CWC27: variants seen among roughly 807,000 people sequenced by gnomAD.
The protein encoded by CWC27 is spliceosome-associated protein CWC27 homolog.
A neutral mutation model predicts 63.6 loss-of-function variants in CWC27; 47 were observed. That is an observed-to-expected ratio of 0.74 (90% CI 0.58 to 0.94). The LOEUF (loss-of-function observed/expected upper bound fraction) is 0.94, where lower values mean the gene tolerates loss of function less well. Ranked by LOEUF, CWC27 falls within the 40% of genes least tolerant of loss-of-function variation. The pLI, the probability that CWC27 is intolerant of heterozygous loss-of-function variation, is 0.00. For synonymous variants in CWC27, 175 were observed against 179.8 expected (o/e 0.97, Z 0.22); for missense variants, 495 against 554.3 (o/e 0.89, Z 1.07).
At chr5:64,771,269 A>G (rs1187653312) in intron 1 of CWC27, among the ~76,000 whole-genome samples, 1 of 152,232 alleles carries the variant, frequency 6.6e-6, no homozygotes, top group Non-Finnish European at 1.5e-5. Context: ...AAGTCTGTTC[A>G]ACGAATGTTT....
At chr5:64,870,264 G>A (rs1218662221) in intron 10 of CWC27, among the ~76,000 whole-genome samples, 2 of 152,044 alleles carry the variant, frequency 1.3e-5, no homozygotes, top group Admixed American at 6.6e-5. Context: ...AAGTCTCAAT[G>A]CTGTCATTGT....
In CWC27 at chr5:64,896,243, A is replaced by G. The variant is rs141245722; in HGVS notation, c.1042+10697A>G. On this transcript the variant is annotated intron_variant, in intron 11 of 13. Transcript: ENST00000381070. ...GACTGAGGGAAGTGTCCTTCAGACA[A>G]ACAAAAGCTGAAAAACATTGCTACC... is the stretch of plus-strand genomic sequence containing the variant. Among the ~76,000 whole-genome samples the G allele has an allele frequency of 3.6e-3, 555 of 152,332 alleles. 4 individuals carry two copies. Among genetic ancestry groups the G allele is most frequent in the Non-Finnish European group, 6.0e-3 (407 of 68,034 alleles).
intron 13 of CWC27, among the ~76,000 whole-genome samples, chr5:64,998,971 A>G (rs1426020623): frequency 1.3e-5 from 2 of 150,488 alleles, no homozygotes; most frequent in Admixed American, 1.3e-4. Flanking sequence ...GCTTTTCTCC[A>G]TTGATCTCTT....
At chr5:64,891,574 T>G (rs1160882131) in intron 11 of CWC27, among the ~76,000 whole-genome samples, 1 of 152,212 alleles carries the variant, frequency 6.6e-6, no homozygotes, top group Non-Finnish European at 1.5e-5. Flanking sequence ...AGTACTTTCT[T>G]CTTTTTTAGA....
At chr5:64,967,567 C>T (rs1331381149) in intron 11 of CWC27, among the ~76,000 whole-genome samples, 5 of 151,682 alleles carry the variant, frequency 3.3e-5, no homozygotes, top group African/African-American at 1.2e-4. Context: ...ACTACTGGCA[C>T]AAGCAGAGAC....
chr5:64,772,418 T>C (rs1375333798), intron 1 of CWC27, among the ~76,000 whole-genome samples: 9 of 146,150 alleles, frequency 6.2e-5, no homozygotes, highest in Non-Finnish European at 1.0e-4. Flanking sequence ...GGTCAGGAGT[T>C]CAAGACCAAT....
At chr5:64,947,846 A>AAT (rs1748619476) in intron 11 of CWC27, among the ~76,000 whole-genome samples, 1 of 152,068 alleles carries the variant, frequency 6.6e-6, no homozygotes, top group Non-Finnish European at 1.5e-5. Context: ...TCCAAAGGAT[A>AAT]GATGTTCATT....
rs1747050336 is a variant in CWC27, at chr5:64,885,557, T to C, written c.1042+11T>C. ...AAAAAAGAAGTGAAGGTAAGGGCAT[T>C]TATCACGCTTATTTTTTCACTTGAT... is the stretch of plus-strand genomic sequence containing the variant. On this transcript the variant is annotated intron_variant, in intron 11 of 13. Transcript: ENST00000381070. 3.8e-6 allele frequency: 6 copies of C among 1,572,406 alleles called. No homozygotes were observed. Among genetic ancestry groups the C allele is most frequent in the Middle Eastern group, 1.7e-4 (1 of 6,016 alleles).
intron 11 of CWC27, among the ~76,000 whole-genome samples, chr5:64,910,511 C>A (rs1747761727): frequency 6.6e-6 from 1 of 152,232 alleles, no homozygotes; most frequent in South Asian, 2.1e-4. Context: ...TTTAAGACTG[C>A]AGAAGTTTCT....
At chr5:64,935,922 A>G (rs1748341861) in intron 11 of CWC27, among the ~76,000 whole-genome samples, 2 of 152,130 alleles carry the variant, frequency 1.3e-5, no homozygotes, top group African/African-American at 4.8e-5. Context: ...ATGTATAGTA[A>G]TACTTGTGAT....
chr5:64,777,259 T>G (rs973119066), intron 2 of CWC27, among the ~76,000 whole-genome samples: 2 of 152,098 alleles, frequency 1.3e-5, no homozygotes, highest in African/African-American at 2.4e-5. Flanking sequence ...TTTTATTCTT[T>G]AATAATAGTT....
At chr5:64,772,459 TA>T (rs556760476) in intron 1 of CWC27, among the ~76,000 whole-genome samples, 1 of 148,856 alleles carries the variant, frequency 6.7e-6, no homozygotes, top group Non-Finnish European at 1.5e-5. Context: ...CTGTCTCTAC[TA>T]AAAAAAATGC....
At chr5:64,815,197 C>A (rs1414316289) in intron 10 of CWC27, among the ~76,000 whole-genome samples, 3 of 152,098 alleles carry the variant, frequency 2.0e-5, no homozygotes, top group African/African-American at 7.2e-5. Flanking sequence ...TATTAGTCAG[C>A]TATATTAGGT....
At chr5:64,822,262 A>T (rs1482000810) in intron 10 of CWC27, among the ~76,000 whole-genome samples, 1 of 152,218 alleles carries the variant, frequency 6.6e-6, no homozygotes, top group African/African-American at 2.4e-5. Flanking sequence ...CATCCATCAA[A>T]CAGTTTTTCA....
chr5:64,984,014 G>A (rs1389786381), intron 13 of CWC27, among the ~76,000 whole-genome samples: 1 of 151,948 alleles, frequency 6.6e-6, no homozygotes, highest in African/African-American at 2.4e-5. Flanking sequence ...TGTATTTTTA[G>A]TAGAGATGGG....
intron 13 of CWC27, among the ~76,000 whole-genome samples, chr5:64,989,873 G>A (rs957747501): frequency 6.6e-6 from 1 of 152,034 alleles, no homozygotes; most frequent in Admixed American, 6.5e-5. Flanking sequence ...GTGTGGAGGG[G>A]TACAGAGATC....
At chr5:64,858,617 C>CT (rs1399170446) in intron 10 of CWC27, among the ~76,000 whole-genome samples, 1 of 151,856 alleles carries the variant, frequency 6.6e-6, no homozygotes, top group Non-Finnish European at 1.5e-5. Flanking sequence ...CTTGACCAGA[C>CT]ATTCATGAGA....
At chr5:64,918,831 C>T (rs541279988) in intron 11 of CWC27, among the ~76,000 whole-genome samples, 2 of 152,106 alleles carry the variant, frequency 1.3e-5, no homozygotes, top group Non-Finnish European at 2.9e-5. Context: ...GGAACATCTA[C>T]CAGAGTCCTG....
chr5:64,915,500 C>A (rs571497817), intron 11 of CWC27, among the ~76,000 whole-genome samples: 1 of 152,158 alleles, frequency 6.6e-6, no homozygotes, highest in Non-Finnish European at 1.5e-5. Context: ...AACTTGTGTA[C>A]TTTCCAGTAT....
Sources: allele counts gnomAD v4.1 joint callset (sites outside exome capture counted in the v4.1 genomes callset), GRCh38; gene constraint gnomAD v4.1.1; transcripts MANE v1.5; gene names NCBI Gene and HGNC (gene_info 2026-07-23, HGNC 2026-07-21).